Variants in FARP1 observed in about 807,000 individuals in gnomAD.
FARP1 encodes FERM, ARH/RhoGEF and pleckstrin domain protein 1.
In FARP1, 52 loss-of-function variants were observed where a neutral mutation model predicts 128.8. The observed-to-expected ratio is 0.40, with a 90% CI of 0.32 to 0.51. The LOEUF (loss-of-function observed/expected upper bound fraction) is 0.51. Among genes scored for constraint, FARP1 ranks in the 20% least tolerant of loss-of-function variants. The pLI is 0.45. For missense variants in FARP1, 1,333 were observed against 1,367.9 expected (o/e 0.97, Z 0.40); for synonymous variants, 580 against 551.8 (o/e 1.05, Z -0.72).
At chr13:98,401,644 C>T (rs1326745165) in intron 13 of FARP1, 6 of 150,252 alleles carry the variant, frequency 4.0e-5, no homozygotes, top group African/African-American at 1.2e-4. Context: ...GGGGAGATAG[C>T]GTCTTGTTTT....
intron 2 of FARP1, among the ~76,000 whole-genome samples, chr13:98,264,276 C>T (rs2139552439): frequency 6.6e-6 from 1 of 152,334 alleles, no homozygotes; most frequent in South Asian, 2.1e-4. Flanking sequence ...TAACCTTGGT[C>T]AACTGTGGTT....
At chr13:98,446,546 C>A in intron 25 of FARP1, 120 bp from the exon 26 acceptor site, 1 of 1,027,928 alleles carries the variant, frequency 9.7e-7, no homozygotes, top group Non-Finnish European at 1.5e-6. Flanking sequence ...CCCTTCCAGG[C>A]CCACGCCCGA....
intron 4 of FARP1, among the ~76,000 whole-genome samples, chr13:98,365,928 G>A (rs1329519785): frequency 1.5e-5 from 2 of 130,032 alleles, no homozygotes; most frequent in African/African-American, 2.8e-5. Flanking sequence ...TTTCTGAGTA[G>A]CAAGCAGAGC....
At position 98,183,167 on chromosome 13, in the gene FARP1, CTTG is replaced by C. The variant is rs996273474; in HGVS notation, c.-23-30047_-23-30045del. Among the ~76,000 whole-genome samples the C allele has an allele frequency of 1.8e-4, 28 of 152,252 alleles. 2 individuals carry two copies. The highest frequency in any genetic ancestry group is 5.5e-4 in the African/African-American group (23 of 41,552). On this transcript the variant is annotated intron_variant, in intron 1 of 26. Transcript: ENST00000319562. ...TTATCATTTGTGTATCTTTGTCCCT[CTTG>C]TTGTTCCTTTTTAGTAATTTTGAGT...
intron 19 of FARP1, chr13:98,437,859 G>A: frequency 1.3e-6 from 2 of 1,593,776 alleles, no homozygotes; most frequent in Non-Finnish European, 1.7e-6. Flanking sequence ...ATTAGTAAAG[G>A]TGAAGATGGA....
At position 98,412,015 on chromosome 13, in the gene FARP1, G is replaced by T; in HGVS notation, c.1807G>T (p.Glu603Ter). The change falls in exon 16 of 27, where the codon GAG (glutamate) becomes TAG (stop). Residue 603 changes from glutamate to a stop codon, truncating the protein, a stop_gained. Coordinates refer to ENST00000319562, the MANE Select transcript of FARP1 (RefSeq NM_005766.4). LOFTEE classifies it high-confidence loss of function. ...KFHTNFLKEI[E>*]QRLALWEGRS... Reference sequence around the variant, plus strand: ...TCATACTAATTTTCTCAAGGAAATTGAGCAACGACTTGCCCTGTGGTGAGT... The same window carrying T: ...TCATACTAATTTTCTCAAGGAAATTTAGCAACGACTTGCCCTGTGGTGAGT... 6.2e-7 allele frequency: 1 copy of T among 1,614,064 alleles called. No homozygotes were observed. Among genetic ancestry groups the T allele is most frequent in the Middle Eastern group, 1.6e-4 (1 of 6,062 alleles).
At chr13:98,264,911 T>TG (rs1884032633) in intron 2 of FARP1, among the ~76,000 whole-genome samples, 1 of 152,246 alleles carries the variant, frequency 6.6e-6, no homozygotes, top group Admixed American at 6.5e-5. Context: ...TTATCCCATT[T>TG]GGGAAGTCCA....
chr13:98,302,380 C>T (rs1885960199), intron 2 of FARP1, among the ~76,000 whole-genome samples: 1 of 152,188 alleles, frequency 6.6e-6, no homozygotes, highest in African/African-American at 2.4e-5. Flanking sequence ...CAACCTCCCA[C>T]ACTCATCTTT....
intron 1 of FARP1, among the ~76,000 whole-genome samples, chr13:98,164,198 A>G (rs1315277892): frequency 2.0e-5 from 3 of 152,236 alleles, no homozygotes; most frequent in Non-Finnish European, 2.9e-5. Flanking sequence ...GGCCCAGGAA[A>G]TTGGCATATG....
intron 13 of FARP1, chr13:98,399,709 C>G (rs1285002915): frequency 6.6e-6 from 1 of 152,206 alleles, no homozygotes; most frequent in East Asian, 1.9e-4. Context: ...GACGTGCTAT[C>G]TTAAGACCGT....
chr13:98,348,218 GCCTGCTCTTGCCCTTGGCTCTTGT>G (rs1263042896), intron 3 of FARP1, among the ~76,000 whole-genome samples: 1 of 152,212 alleles, frequency 6.6e-6, no homozygotes, highest in Non-Finnish European at 1.5e-5. Context: ...CGCAAGCTTG[GCCTGCTCTTGCCCTTGGCTCTTGT>G]CCTGCTCTTG....
intron 2 of FARP1, among the ~76,000 whole-genome samples, chr13:98,314,340 C>T (rs1204687932): frequency 1.5e-5 from 2 of 134,918 alleles, no homozygotes; most frequent in African/African-American, 5.8e-5. Context: ...AGTGCACTGG[C>T]GCAATCTCGG....
At chr13:98,150,706 A>G (rs558553265) in intron 1 of FARP1, among the ~76,000 whole-genome samples, 2 of 152,316 alleles carry the variant, frequency 1.3e-5, no homozygotes, top group African/African-American at 4.8e-5. Context: ...CATTTACTGG[A>G]TGGCGATGGA....
At chr13:98,276,387 T>TTAA (rs1884654810) in intron 2 of FARP1, among the ~76,000 whole-genome samples, 1 of 152,166 alleles carries the variant, frequency 6.6e-6, no homozygotes, top group South Asian at 2.1e-4. Context: ...TCTGCCCTGT[T>TTAA]TATGGAGTTG....
chr13:98,440,310 A>G (rs1247350920), intron 23 of FARP1, 75 bp downstream of exon 23: 4 of 1,072,114 alleles, frequency 3.7e-6, no homozygotes, highest in Non-Finnish European at 5.8e-6. Context: ...ATCTAAAGCC[A>G]CCCCATCGGG....
intron 18 of FARP1, 76 bp downstream of exon 18, chr13:98,431,356 AG>A (rs1892013818): frequency 1.0e-6 from 1 of 1,004,088 alleles, no homozygotes; most frequent in East Asian, 2.7e-5. Flanking sequence ...GAGCCCAGCC[AG>A]GGAGGGGCTC....
intron 2 of FARP1, among the ~76,000 whole-genome samples, chr13:98,238,383 T>C (rs1882561737): frequency 6.6e-6 from 1 of 152,224 alleles, no homozygotes; most frequent in South Asian, 2.1e-4. Flanking sequence ...GTCTGTAGCT[T>C]TTTTGTAAGA....
At chr13:98,330,705 A>G (rs748958879) in intron 2 of FARP1, among the ~76,000 whole-genome samples, 4 of 152,044 alleles carry the variant, frequency 2.6e-5, no homozygotes, top group Non-Finnish European at 5.9e-5. Context: ...CAGTGCGCCA[A>G]GATCACGCCA....
chr13:98,287,314 TCTC>T (rs956961881), intron 2 of FARP1, among the ~76,000 whole-genome samples: 2 of 145,554 alleles, frequency 1.4e-5, no homozygotes, highest in African/African-American at 5.2e-5. Flanking sequence ...ACTGCAACCT[TCTC>T]CTCCCGGGTT....
Sources: allele counts gnomAD v4.1 joint callset (sites outside exome capture counted in the v4.1 genomes callset), GRCh38; gene constraint gnomAD v4.1.1; transcripts MANE v1.5; gene names NCBI Gene and HGNC (gene_info 2026-07-23, HGNC 2026-07-21).